DUSP11: variants seen among roughly 807,000 people sequenced by gnomAD.
The protein encoded by DUSP11 is RNA/RNP complex-1-interacting phosphatase.
DUSP11 carries 27 observed loss-of-function variants against 41.4 expected under a neutral mutation model. The observed-to-expected ratio is 0.65, with a 90% CI of 0.48 to 0.90. DUSP11 has a LOEUF of 0.90. DUSP11 is among the 40% of genes least tolerant of loss of function. The pLI is 0.00. For synonymous variants in DUSP11, 188 were observed against 159.3 expected (o/e 1.18, Z -1.35); for missense variants, 465 against 461.1 (o/e 1.01, Z -0.08).
At chr2:73,762,633 C>A in exon 9 of DUSP11, 1 of 1,572,614 alleles carries the variant, frequency 6.4e-7, no homozygotes, top group South Asian at 1.2e-5. Flanking sequence ...GCTCTGGTCT[C>A]CAGGTAGAAT....
chr2:73,764,718 G>T (rs911321480), intron 8 of DUSP11, among the ~76,000 whole-genome samples: 6 of 152,218 alleles, frequency 3.9e-5, no homozygotes, highest in African/African-American at 1.4e-4. Context: ...TGTAATCCCA[G>T]CACTTTGGGA....
At position 73,773,637 on chromosome 2, in the gene DUSP11, A is replaced by C. The variant is rs1007071835; in HGVS notation, c.574+163T>G. The C allele has an allele frequency of 5.7e-6, 4 of 695,736 alleles. No homozygotes were observed. The East Asian group carries it at 8.4e-5, about 15-fold the overall frequency. The allele number at this position is 695,736 out of a possible 1,614,324, so 43.1% of individuals were successfully genotyped here. A position where few individuals can be genotyped will look rare whatever the true frequency, so the allele number is the denominator to read the frequency against. ...TTCCAAAGTTAAATTATTTGTGATCAACAAAAGGAAAAACATCTTACCCTA... is the reference window on the plus strand; with the variant it reads ...TTCCAAAGTTAAATTATTTGTGATCCACAAAAGGAAAAACATCTTACCCTA... On this transcript the variant is annotated intron_variant, in intron 4 of 8. Coordinates refer to ENST00000272444, the Ensembl canonical transcript of DUSP11.
Position 73,780,092 on chromosome 2 carries a change from C to A in DUSP11, c.24G>T (p.Glu8Asp), listed in dbSNP as rs113652317. 1.9e-6 allele frequency: 3 copies of A among 1,567,866 alleles called. No homozygotes were observed. Among genetic ancestry groups the A allele is most frequent in the Non-Finnish European group, 2.6e-6 (3 of 1,155,216 alleles). The change falls in exon 1 of 9, where the codon GAG (glutamate) becomes GAT (aspartate). Residue 8 changes from glutamate to aspartate, a missense_variant. Coordinates refer to ENST00000272444, the Ensembl canonical transcript of DUSP11. ...AGACTCGGCAGCCACCTACGCCGCG[C>A]TCCAGCGTCTCGCTATTGCGCATGT...
intron 1 of DUSP11, 141 bp downstream of exon 1, chr2:73,779,733 A>C (rs977961944): frequency 1.0e-5 from 13 of 1,284,366 alleles, no homozygotes; most frequent in South Asian, 5.9e-5. Flanking sequence ...CGGGTGGCGC[A>C]GAGGGTCAAA....
At chr2:73,772,334 A>C (rs1333344573) in intron 4 of DUSP11, among the ~76,000 whole-genome samples, 2 of 152,110 alleles carry the variant, frequency 1.3e-5, no homozygotes, top group Non-Finnish European at 2.9e-5. Context: ...TTTATCAGTG[A>C]GCCTGTTATC....
At chr2:73,769,310 ACAC>A in exon 5 of DUSP11, 1 of 1,612,870 alleles carries the variant, frequency 6.2e-7, no homozygotes, top group African/African-American at 1.3e-5. Context: ...GGTACAGTGG[ACAC>A]CAATAAGTTT....
At chr2:73,777,585 T>G (rs1228068827) in intron 2 of DUSP11, among the ~76,000 whole-genome samples, 1 of 152,226 alleles carries the variant, frequency 6.6e-6, no homozygotes, top group African/African-American at 2.4e-5. Context: ...AATCCTGACC[T>G]TGATGATCCG....
At chr2:73,777,180 T>C (rs1450780013) in intron 2 of DUSP11, among the ~76,000 whole-genome samples, 2 of 152,144 alleles carry the variant, frequency 1.3e-5, no homozygotes, top group Non-Finnish European at 2.9e-5. Context: ...ACGGTTTCAG[T>C]GTTGCCCAGG....
chr2:73,768,148 C>T (rs1672504444), intron 5 of DUSP11: 2 of 152,240 alleles, frequency 1.3e-5, no homozygotes, highest in African/African-American at 4.8e-5. Context: ...CCACAACATC[C>T]CTACCTGGTT....
exon 3 of DUSP11, chr2:73,774,952 A>C (rs555849356): frequency 6.2e-7 from 1 of 1,611,260 alleles, no homozygotes; most frequent in African/African-American, 1.3e-5. Context: ...TTAAATCAAT[A>C]ATCAGTCCAA....
chr2:73,770,186 T>C (rs1266168357), intron 4 of DUSP11, among the ~76,000 whole-genome samples: 7 of 115,988 alleles, frequency 6.0e-5, no homozygotes, highest in African/African-American at 2.0e-4. Flanking sequence ...TCCCAGCTAC[T>C]CAAAAAAAAA....
At chr2:73,777,625 G>A (rs770874816) in intron 2 of DUSP11, among the ~76,000 whole-genome samples, 1 of 152,178 alleles carries the variant, frequency 6.6e-6, no homozygotes, top group Non-Finnish European at 1.5e-5. Flanking sequence ...ACCATGGAAG[G>A]AAAGGAGTCC....
chr2:73,774,827 A>T, intron 3 of DUSP11, 86 bp downstream of exon 3: 1 of 1,229,518 alleles, frequency 8.1e-7, no homozygotes, highest in Non-Finnish European at 1.1e-6. Context: ...CAAGCTTCAC[A>T]TTAGCACAAG....
chr2:73,770,219 A>AAAAGAAGGC (rs1450226298), intron 4 of DUSP11, among the ~76,000 whole-genome samples: 2 of 151,768 alleles, frequency 1.3e-5, no homozygotes, highest in Admixed American at 1.3e-4. Flanking sequence ...AGAAAAGAAA[A>AAAAGAAGGC]AAAGAAGGCA....
Position 73,762,749 on chromosome 2 carries a change from G to A in DUSP11, c.1046C>T (p.Ala349Val), listed in dbSNP as rs1473770480. 1.9e-6 allele frequency: 3 copies of A among 1,613,598 alleles called. No individual in the cohort carries two copies. In the East Asian group the frequency reaches 6.7e-5, roughly 36 times the overall value. ...TCTTCTATCCTGGGCTGCCCGACTG[G>A]CATTGGGCTTCACATTCCAAGAATA... is the stretch of plus-strand genomic sequence containing the variant. Residue 349 changes from alanine to valine, a missense_variant, in exon 9 of 9, where the codon GCC becomes GTC. Physicochemically the swap from Ala to Val is moderately conservative, Grantham distance 64 (BLOSUM62 0). Coordinates refer to ENST00000272444, the Ensembl canonical transcript of DUSP11.
intron 5 of DUSP11, 152 bp from the exon 6 acceptor site, chr2:73,767,359 T>C: frequency 3.3e-6 from 2 of 598,298 alleles, no homozygotes; most frequent in South Asian, 4.8e-5. Context: ...AAGAATGACA[T>C]ACCATGACCA....
chr2:73,779,976 T>G lies in DUSP11; in HGVS notation c.140A>C (p.His47Pro), dbSNP rs751721020. 2.5e-6 allele frequency: 4 copies of G among 1,614,080 alleles called. No individual in the cohort carries two copies. The East Asian group carries it at 6.7e-5, about 27-fold the overall frequency. ...GCGGGGATGATGCCACTGGCTCATGTGGGTCCCAAGAAGCCGCCCACCCAA... is the reference window on the plus strand; with the variant it reads ...GCGGGGATGATGCCACTGGCTCATGGGGGTCCCAAGAAGCCGCCCACCCAA... Residue 47 changes from histidine (H) to proline (P), a missense_variant, in exon 1 of 9, where the codon CAC becomes CCC. Transcript: ENST00000272444.
intron 2 of DUSP11, among the ~76,000 whole-genome samples, chr2:73,777,613 T>A (rs1672710366): frequency 6.6e-6 from 1 of 152,214 alleles, no homozygotes; most frequent in South Asian, 2.1e-4. Flanking sequence ...TTTCTGATTG[T>A]GACCATGGAA....
intron 2 of DUSP11, 54 bp downstream of exon 2, chr2:73,778,247 T>C: frequency 1.7e-6 from 2 of 1,211,652 alleles, no homozygotes; most frequent in Admixed American, 2.1e-5. Context: ...GAGAGCAGTG[T>C]TCTGCATGGT....
Sources: gnomAD v4.1 joint callset for allele counts (sites outside exome capture counted in the v4.1 genomes callset) on GRCh38, gnomAD v4.1.1 for gene constraint, MANE v1.5 for transcripts, NCBI Gene and HGNC (gene_info 2026-07-23, HGNC 2026-07-21) for gene names.